SLC25A13: variants seen among roughly 807,000 people sequenced by gnomAD.
SLC25A13 encodes solute carrier family 25 member 13, also known as electrogenic aspartate/glutamate antiporter SLC25A13, mitochondrial.
SLC25A13 carries 70 observed loss-of-function variants against 85.5 expected under a neutral mutation model. The ratio of observed to expected loss-of-function variants is 0.82; its 90% CI spans 0.68 to 1.00. The LOEUF is 1.00. Among genes scored for constraint, SLC25A13 ranks in the 50% least tolerant of loss-of-function variants. SLC25A13 has a pLI of 0.00. For missense variants in SLC25A13, 765 were observed against 819.8 expected (o/e 0.93, Z 0.82); for synonymous variants, 259 against 288.7 (o/e 0.90, Z 1.04).
At chr7:96,292,548 A>G (rs182675292) in intron 2 of SLC25A13, among the ~76,000 whole-genome samples, 3 of 152,328 alleles carry the variant, frequency 2.0e-5, no homozygotes, top group Admixed American at 2.0e-4. Flanking sequence ...TCAGCCCAAA[A>G]TCTCCTTCAG....
At chr7:96,265,938 A>C (rs761782768) in intron 3 of SLC25A13, among the ~76,000 whole-genome samples, 8 of 152,066 alleles carry the variant, frequency 5.3e-5, no homozygotes, top group Non-Finnish European at 1.2e-4. Context: ...AGATTCCCTC[A>C]AGCCTCCTTC....
chr7:96,256,171 T>G (rs4377894), intron 3 of SLC25A13, among the ~76,000 whole-genome samples: 1 of 151,928 alleles, frequency 6.6e-6, no homozygotes, highest in Admixed American at 6.6e-5. Context: ...CATCAACTAA[T>G]GGGCAAAATA....
At position 96,277,317 on chromosome 7, in the gene SLC25A13, C is replaced by T. The variant is rs1367925406; in HGVS notation, c.91G>A (p.Gly31Ser). ...FLKYASIEKN[G>S]EFFMSPNDFV... ...TCATTGGGGGACATGAAAAATTCACCGTTTTTCTCAATGCTTGCATACTGT... is the reference window on the plus strand; with the variant it reads ...TCATTGGGGGACATGAAAAATTCACTGTTTTTCTCAATGCTTGCATACTGT... The change falls in exon 3 of 18, where the codon GGT (glycine) becomes AGT (serine). Residue 31 changes from glycine to serine, a missense_variant. Gly to Ser is a moderately conservative substitution (Grantham distance 56). Transcript: ENST00000265631. 10 of 1,612,558 alleles carry T rather than the reference C, an allele frequency of 6.2e-6. No individual in the cohort carries two copies. Among genetic ancestry groups the T allele is most frequent in the South Asian group, 2.2e-5 (2 of 90,928 alleles).
chr7:96,189,745 G>T, intron 7 of SLC25A13, 71 bp from the exon 8 acceptor site: 2 of 1,197,980 alleles, frequency 1.7e-6, no homozygotes, highest in Non-Finnish European at 2.5e-6. Context: ...TTAACTCAAG[G>T]CACTGGAATG....
chr7:96,272,562 G>A (rs938008789), intron 3 of SLC25A13, among the ~76,000 whole-genome samples: 2 of 152,160 alleles, frequency 1.3e-5, no homozygotes, highest in East Asian at 3.9e-4. Flanking sequence ...AGGCAGGAAC[G>A]GTCCAAGGTG....
intron 4 of SLC25A13, among the ~76,000 whole-genome samples, chr7:96,216,701 A>G (rs1227451523): frequency 2.0e-5 from 3 of 152,248 alleles, no homozygotes; most frequent in Admixed American, 1.3e-4. Flanking sequence ...AAATGGTGAG[A>G]ACACACGGAC....
intron 4 of SLC25A13, among the ~76,000 whole-genome samples, chr7:96,216,621 C>T (rs891859110): frequency 6.6e-6 from 1 of 152,090 alleles, no homozygotes; most frequent in African/African-American, 2.4e-5. Context: ...AGCTGGAGGC[C>T]GTTATCATTA....
intron 3 of SLC25A13, among the ~76,000 whole-genome samples, chr7:96,255,110 T>C (rs1797582454): frequency 6.6e-6 from 1 of 152,236 alleles, no homozygotes; most frequent in Non-Finnish European, 1.5e-5. Context: ...ATTTTAACTA[T>C]ATATACTTTG....
chr7:96,148,021 A>G (rs1324976173), intron 13 of SLC25A13, among the ~76,000 whole-genome samples: 4 of 152,068 alleles, frequency 2.6e-5, no homozygotes, highest in African/African-American at 9.7e-5. Flanking sequence ...CAGTTTACCT[A>G]ATATGTGTAA....
intron 4 of SLC25A13, among the ~76,000 whole-genome samples, chr7:96,226,646 T>G (rs957382862): frequency 6.6e-6 from 1 of 151,648 alleles, no homozygotes; most frequent in Non-Finnish European, 1.5e-5. Context: ...TGATCTAGTA[T>G]AAAAAATAAC....
intron 4 of SLC25A13, among the ~76,000 whole-genome samples, chr7:96,223,410 T>TAG (rs753118385): frequency 5.3e-5 from 8 of 152,186 alleles, no homozygotes; most frequent in Non-Finnish European, 1.5e-5. Context: ...ATTTGGGAGT[T>TAG]TAACCTAAGA....
At chr7:96,212,082 T>C (rs1429220321) in intron 4 of SLC25A13, among the ~76,000 whole-genome samples, 3 of 72,596 alleles carry the variant, frequency 4.1e-5, no homozygotes, top group African/African-American at 1.6e-4. Context: ...CAGGAATGTG[T>C]AAACACAGAT....
intron 3 of SLC25A13, among the ~76,000 whole-genome samples, chr7:96,239,150 A>C (rs1796868455): frequency 6.7e-6 from 1 of 148,448 alleles, no homozygotes; most frequent in Admixed American, 6.7e-5. Flanking sequence ...CTGGTATTTC[A>C]GGCATGTTAC....
chr7:96,216,166 A>G (rs1013959728), intron 4 of SLC25A13, among the ~76,000 whole-genome samples: 8 of 152,032 alleles, frequency 5.3e-5, no homozygotes, highest in African/African-American at 1.2e-4. Context: ...AAGAAAAAAA[A>G]AAAAGAAAAA....
At chr7:96,129,247 A>C (rs557227028) in intron 15 of SLC25A13, among the ~76,000 whole-genome samples, 1 of 152,292 alleles carries the variant, frequency 6.6e-6, no homozygotes, top group Non-Finnish European at 1.5e-5. Context: ...AATAAATATT[A>C]GTTGTGTTAA....
intron 14 of SLC25A13, among the ~76,000 whole-genome samples, chr7:96,140,360 G>A (rs1407473272): frequency 6.7e-6 from 1 of 149,574 alleles, no homozygotes; most frequent in African/African-American, 2.5e-5. Context: ...TTTCCACAGA[G>A]ACTGTACCAC....
At chr7:96,157,367 A>G (rs1489827683) in intron 13 of SLC25A13, among the ~76,000 whole-genome samples, 1 of 152,152 alleles carries the variant, frequency 6.6e-6, no homozygotes, top group East Asian at 1.9e-4. Context: ...CTCAGTGTCT[A>G]CATGCTTCTA....
At chr7:96,142,795 CTCTT>C (rs1243652124) in intron 14 of SLC25A13, among the ~76,000 whole-genome samples, 1 of 152,072 alleles carries the variant, frequency 6.6e-6, no homozygotes, top group African/African-American at 2.4e-5. Flanking sequence ...AAATCAATCT[CTCTT>C]TGAGATAACT....
At chr7:96,219,206 A>G (rs1286221462) in intron 4 of SLC25A13, among the ~76,000 whole-genome samples, 2 of 152,224 alleles carry the variant, frequency 1.3e-5, no homozygotes, top group African/African-American at 2.4e-5. Flanking sequence ...TAAGTAGAGC[A>G]TAAGTACTTC....
Sources: gnomAD v4.1 joint callset for allele counts (sites outside exome capture counted in the v4.1 genomes callset) on GRCh38, gnomAD v4.1.1 for gene constraint, MANE v1.5 for transcripts, NCBI Gene and HGNC (gene_info 2026-07-23, HGNC 2026-07-21) for gene names.